CARMIL1: variants seen among roughly 807,000 people sequenced by gnomAD.
CARMIL1 encodes the protein F-actin-uncapping protein LRRC16A.
A neutral mutation model predicts 177.1 loss-of-function variants in CARMIL1; 90 were observed. The ratio of observed to expected loss-of-function variants is 0.51; its 90% CI spans 0.43 to 0.61. The LOEUF (loss-of-function observed/expected upper bound fraction) is 0.61. Among genes scored for constraint, CARMIL1 ranks in the 20% least tolerant of loss-of-function variants. The pLI, the probability that CARMIL1 is intolerant of heterozygous loss-of-function variation, is 0.00. For missense variants in CARMIL1, 1,380 were observed against 1,667.0 expected (o/e 0.83, Z 3.00); for synonymous variants, 577 against 606.2 (o/e 0.95, Z 0.71).
At chr6:25,497,104 C>T (rs1029097211) in intron 16 of CARMIL1, among the ~76,000 whole-genome samples, 2 of 152,062 alleles carry the variant, frequency 1.3e-5, no homozygotes, top group Non-Finnish European at 1.5e-5. Context: ...GGGAGAAAGC[C>T]TTCATGGCTG....
chr6:25,386,275 C>T (rs549395885), intron 2 of CARMIL1, among the ~76,000 whole-genome samples: 25 of 152,058 alleles, frequency 1.6e-4, no homozygotes, highest in African/African-American at 4.8e-4. Flanking sequence ...GTGGTGAGGA[C>T]GGAATCTTGC....
intron 1 of CARMIL1, among the ~76,000 whole-genome samples, chr6:25,282,749 A>T (rs939672005): frequency 6.6e-6 from 1 of 152,132 alleles, no homozygotes. Flanking sequence ...CTTATTTCCT[A>T]TGCCTTCAAG....
At position 25,450,564 on chromosome 6, in the gene CARMIL1, A is replaced by G. The variant is rs186432071; in HGVS notation, c.541-74A>G. ...TAAAAACCTGCCATTGTCATTGTCT[A>G]ATTCTCACTGTCTCTCTTGCTTTCC... On this transcript the variant is annotated intron_variant, in intron 7 of 36. Transcript: ENST00000329474. 4.7e-6 allele frequency: 5 copies of G among 1,072,528 alleles called. No individual in the cohort carries two copies. In the East Asian group the frequency reaches 1.2e-4, roughly 26 times the overall value. 66.4% of individuals were successfully genotyped at this position (1,072,528 alleles called of 1,614,324 possible). A position where few individuals can be genotyped will look rare whatever the true frequency, so the allele number is the denominator to read the frequency against.
At chr6:25,340,422 G>T (rs1478778225) in intron 2 of CARMIL1, among the ~76,000 whole-genome samples, 1 of 152,220 alleles carries the variant, frequency 6.6e-6, no homozygotes, top group Non-Finnish European at 1.5e-5. Flanking sequence ...GCTTGTAGGA[G>T]TTTATAAATG....
chr6:25,490,112 C>T (rs374585645), intron 13 of CARMIL1, among the ~76,000 whole-genome samples: 2 of 151,870 alleles, frequency 1.3e-5, no homozygotes, highest in East Asian at 1.9e-4. Flanking sequence ...GGAGAGTGGG[C>T]GGGGAAGGCA....
chr6:25,385,313 T>C (rs868787385), intron 2 of CARMIL1, among the ~76,000 whole-genome samples: 31 of 152,158 alleles, frequency 2.0e-4, no homozygotes, highest in Middle Eastern at 3.2e-3. Context: ...TTCAGTTTGC[T>C]GGTGAGGTGT....
At chr6:25,563,935 A>G in intron 29 of CARMIL1, 1 of 906,174 alleles carries the variant, frequency 1.1e-6, no homozygotes, top group South Asian at 5.1e-5. Context: ...GAGTCATGAA[A>G]TCAGTATAAT....
chr6:25,462,473 A>T (rs967718840), intron 8 of CARMIL1, among the ~76,000 whole-genome samples: 1 of 152,304 alleles, frequency 6.6e-6, no homozygotes, highest in East Asian at 1.9e-4. Flanking sequence ...GTGCCAGGCC[A>T]TCAGGGCAGG....
intron 2 of CARMIL1, among the ~76,000 whole-genome samples, chr6:25,377,805 G>A (rs1791139363): frequency 6.6e-6 from 1 of 152,178 alleles, no homozygotes; most frequent in Non-Finnish European, 1.5e-5. Flanking sequence ...GCCTGAAGAT[G>A]CTAATCTCCT....
intron 2 of CARMIL1, among the ~76,000 whole-genome samples, chr6:25,398,177 TG>T (rs1357843828): frequency 6.6e-6 from 1 of 152,186 alleles, no homozygotes; most frequent in Non-Finnish European, 1.5e-5. Flanking sequence ...TTTTCTGGTA[TG>T]GGTGGAATTT....
chr6:25,565,437 G>T (rs953662161), intron 29 of CARMIL1, among the ~76,000 whole-genome samples: 3 of 152,178 alleles, frequency 2.0e-5, no homozygotes, highest in African/African-American at 7.2e-5. Context: ...AGTCATCCAT[G>T]CCCAAGTAAA....
At chr6:25,423,168 A>G (rs1038297124) in intron 3 of CARMIL1, among the ~76,000 whole-genome samples, 1 of 152,246 alleles carries the variant, frequency 6.6e-6, no homozygotes, top group Non-Finnish European at 1.5e-5. Flanking sequence ...AGCACTGACT[A>G]TGACATAGAT....
At chr6:25,573,228 T>G (rs1812264018) in intron 29 of CARMIL1, among the ~76,000 whole-genome samples, 1 of 152,236 alleles carries the variant, frequency 6.6e-6, no homozygotes, top group South Asian at 2.1e-4. Context: ...TTATCCCATT[T>G]ATCTATCATG....
At chr6:25,575,006 G>A (rs951741005) in intron 29 of CARMIL1, among the ~76,000 whole-genome samples, 1 of 152,178 alleles carries the variant, frequency 6.6e-6, no homozygotes, top group Non-Finnish European at 1.5e-5. Context: ...GCCAGACACT[G>A]TGCTAAGCAC....
At chr6:25,382,711 G>A (rs1352480699) in intron 2 of CARMIL1, among the ~76,000 whole-genome samples, 4 of 152,084 alleles carry the variant, frequency 2.6e-5, no homozygotes, top group South Asian at 4.2e-4. Flanking sequence ...GACACAGGGC[G>A]CTCATTGGTG....
At chr6:25,438,222 G>A (rs1290702561) in intron 5 of CARMIL1, among the ~76,000 whole-genome samples, 5 of 152,108 alleles carry the variant, frequency 3.3e-5, no homozygotes, top group African/African-American at 1.2e-4. Context: ...TCCTGCACTA[G>A]TACACATCAT....
Position 25,418,498 on chromosome 6 carries a change from A to T in CARMIL1, c.139-1616A>T, listed in dbSNP as rs565253258. Among the ~76,000 whole-genome samples the T allele has an allele frequency of 5.3e-5, 8 of 151,162 alleles. 1 individual carries two copies. The South Asian group carries it at 1.7e-3, about 32-fold the overall frequency. On this transcript the variant is annotated intron_variant, in intron 2 of 36. Transcript: ENST00000329474. ...CTTCATCCCTGTCCCTCTCCTTTCTACTGCCTGGTGCTTTGTCCCATTTCC... is the reference window on the plus strand; with the variant it reads ...CTTCATCCCTGTCCCTCTCCTTTCTTCTGCCTGGTGCTTTGTCCCATTTCC...
chr6:25,429,590 T>C lies in CARMIL1; in HGVS notation c.249+3030T>C, dbSNP rs376917486. ...TTCATTCTTTCACCATTAAGTGTGA[T>C]GTTAGCTGTAGGTTTTTAAAATAGA... On this transcript the variant is annotated intron_variant, in intron 4 of 36. Coordinates refer to ENST00000329474, the MANE Select transcript of CARMIL1 (RefSeq NM_017640.6). Among the ~76,000 whole-genome samples the C allele has an allele frequency of 4.2e-4, 64 of 152,314 alleles. 1 individual carries two copies. In the East Asian group the frequency reaches 7.3e-3, roughly 17 times the overall value.
chr6:25,576,682 T>C (rs1812616716), intron 29 of CARMIL1, among the ~76,000 whole-genome samples: 1 of 152,172 alleles, frequency 6.6e-6, no homozygotes, highest in East Asian at 1.9e-4. Flanking sequence ...GGTTGGTAAA[T>C]ATCACTTTGT....
Sources: gnomAD v4.1 joint callset for allele counts (sites outside exome capture counted in the v4.1 genomes callset) on GRCh38, gnomAD v4.1.1 for gene constraint, MANE v1.5 for transcripts, NCBI Gene and HGNC (gene_info 2026-07-23, HGNC 2026-07-21) for gene names.